The following DPEP3 variants were observed in gnomAD, a reference collection of about 807,000 sequenced individuals.
DPEP3 encodes the protein membrane-bound dipeptidase 3.
A neutral mutation model predicts 47.5 loss-of-function variants in DPEP3; 42 were observed. The ratio of observed to expected loss-of-function variants is 0.88; its 90% confidence interval spans 0.69 to 1.14. DPEP3 has a LOEUF of 1.14. Among genes scored for constraint, DPEP3 ranks in the 50% most tolerant of loss-of-function variants. The pLI is 0.00. For synonymous variants in DPEP3, 276 were observed against 270.2 expected (o/e 1.02, Z -0.21); for missense variants, 560 against 635.0 (o/e 0.88, Z 1.27).
chr16:67,977,578 C>T (rs2031224254), intron 6 of DPEP3, 75 bp downstream of exon 6: 1 of 1,508,534 alleles, frequency 6.6e-7, no homozygotes, highest in Non-Finnish European at 8.9e-7. Context: ...GAAACCTGGG[C>T]TGGTGGCTTT....
intron 2 of DPEP3, 33 bp downstream of exon 2, chr16:67,979,606 C>T: frequency 6.2e-7 from 1 of 1,610,944 alleles, no homozygotes; most frequent in Non-Finnish European, 8.5e-7. Flanking sequence ...CCCCAGCAGC[C>T]ATGCTGTGGC....
intron 6 of DPEP3, 68 bp from the exon 7 acceptor site, chr16:67,977,422 G>C (rs1293716381): frequency 6.7e-7 from 1 of 1,496,306 alleles, no homozygotes; most frequent in Non-Finnish European, 9.2e-7. Flanking sequence ...TGCTGTGGGG[G>C]CCCTGGTAGG....
At chr16:67,977,204 G>A in intron 7 of DPEP3, 66 bp downstream of exon 7, 1 of 1,456,892 alleles carries the variant, frequency 6.9e-7, no homozygotes, top group East Asian at 2.3e-5. Flanking sequence ...GACTGCTAGA[G>A]TCGTCCTGAG....
chr16:67,977,949 T>C lies in DPEP3; in HGVS notation c.745A>G (p.Ser249Gly). The change falls in exon 5 of 10, where the codon AGC becomes GGC. Residue 249 changes from serine to glycine, a missense_variant. Physicochemically the swap from Ser to Gly is moderately conservative, Grantham distance 56 (BLOSUM62 0). Coordinates refer to ENST00000268793, the MANE Select transcript of DPEP3 (RefSeq NM_001370198.1). ...HMYTNVSGLT[S>G]FGEKVVEELN... Reference sequence around the variant, plus strand: ...ACAGGAGTCCTCACCTCACCAAAGCTTGTCAATCCGCTGACGTTGGTGTAC... The same window carrying C: ...ACAGGAGTCCTCACCTCACCAAAGCCTGTCAATCCGCTGACGTTGGTGTAC... 1 of 1,613,970 alleles carries C rather than the reference T, an allele frequency of 6.2e-7. No homozygotes were observed. Among genetic ancestry groups the C allele is most frequent in the South Asian group, 1.1e-5 (1 of 91,080 alleles).
intron 2 of DPEP3, among the ~76,000 whole-genome samples, chr16:67,979,189 C>T (rs1267636627): frequency 6.6e-6 from 1 of 152,176 alleles, no homozygotes; most frequent in Non-Finnish European, 1.5e-5. Flanking sequence ...CCTGTAATCC[C>T]AGCTACTCAG....
intron 7 of DPEP3, 123 bp from the exon 8 acceptor site, chr16:67,976,898 T>C: frequency 1.2e-6 from 1 of 806,754 alleles, no homozygotes; most frequent in East Asian, 2.7e-5. Flanking sequence ...TCATGAGTCC[T>C]GAAGCGGGTA....
chr16:67,977,006 G>T (rs1166577823), intron 7 of DPEP3, among the ~76,000 whole-genome samples: 1 of 152,188 alleles, frequency 6.6e-6, no homozygotes, highest in African/African-American at 2.4e-5. Flanking sequence ...TGAGAGCCTG[G>T]TGCAGGCTGA....
At position 67,975,753 on chromosome 16, in the gene DPEP3, G is replaced by A; in HGVS notation, c.*12C>T. 6.2e-7 allele frequency: 1 copy of A among 1,606,036 alleles called. No individual in the cohort carries two copies. The highest frequency in any genetic ancestry group is 8.5e-7 in the Non-Finnish European group (1 of 1,176,178). On this transcript the variant is annotated 3_prime_UTR_variant, in exon 10 of 10. Coordinates refer to ENST00000268793, the MANE Select transcript of DPEP3 (RefSeq NM_001370198.1). ...GGCTTTGCCACAGTGACCTCTGCGG[G>A]GACCGACTGTGTCAGCAGAGCCACT... is the stretch of plus-strand genomic sequence containing the variant.
At position 67,979,712 on chromosome 16, in the gene DPEP3, T is replaced by A; in HGVS notation, c.341A>T (p.Asp114Val). The change falls in exon 2 of 10, where the codon GAT becomes GTT. Residue 114 changes from aspartate to valine, a missense_variant. Coordinates refer to ENST00000268793, the MANE Select transcript of DPEP3 (RefSeq NM_001370198.1). ...ATGGCTGAAATTTCGCAGGTTAACA[T>A]CCTGAAGCACATTCTTGTAACGCTG... ...LRQRYKNVLQDVNLRNFSHGQ... is the reference protein window; with the variant it reads ...LRQRYKNVLQVVNLRNFSHGQ... 1 of 1,614,074 alleles carries A rather than the reference T, an allele frequency of 6.2e-7. No homozygotes were observed. Among genetic ancestry groups the A allele is most frequent in the Non-Finnish European group, 8.5e-7 (1 of 1,179,996 alleles).
intron 2 of DPEP3, 140 bp downstream of exon 2, chr16:67,979,499 C>T (rs926948242): frequency 7.6e-7 from 1 of 1,317,782 alleles, no homozygotes; most frequent in Admixed American, 2.5e-5. Flanking sequence ...CTCCAAGGCC[C>T]CACTCTCCTT....
In DPEP3 at chr16:67,977,776, T is replaced by C. The variant is rs575080617; in HGVS notation, c.810A>G (p.Ala270=). 11 of 1,613,970 alleles carry C rather than the reference T, an allele frequency of 6.8e-6. No individual in the cohort carries two copies. The highest frequency in any genetic ancestry group is 2.7e-5 in the African/African-American group (2 of 75,050). ...RLGMMIDLSY[A]SDTLIRRVLE... is the part of the protein sequence containing the mutation. ...GGACCCTTCTTATCAAGGTGTCCGA[T>C]GCATAGGACAAATCTATCATCATGC... The change falls in exon 6 of 10, where the codon GCA becomes GCG. Residue 270 remains alanine, a synonymous_variant. Coordinates refer to ENST00000268793, the MANE Select transcript of DPEP3 (RefSeq NM_001370198.1).
Position 67,977,958 on chromosome 16 carries a change from C to T in DPEP3, c.736G>A (p.Gly246Arg), listed in dbSNP as rs371310931. The change falls in exon 5 of 10, where the codon GGA becomes AGA. Residue 246 changes from glycine (G) to arginine (R), a missense_variant. Physicochemically the swap from Gly to Arg is moderately radical, Grantham distance 125. Transcript: ENST00000268793. ...FRHHMYTNVS[G>R]LTSFGEKVVE... is the part of the protein sequence containing the mutation. ...CTCACCTCACCAAAGCTTGTCAATC[C>T]GCTGACGTTGGTGTACATGTGGTGT... 33 of 1,613,846 alleles carry T rather than the reference C, an allele frequency of 2.0e-5. No individual in the cohort carries two copies. The highest frequency in any genetic ancestry group is 1.6e-4 in the Middle Eastern group (1 of 6,084).
rs2031246704 is a variant in DPEP3 at position 67,978,340 on chromosome 16, G to A, written c.613C>T (p.Leu205Phe). Reference sequence around the variant, plus strand: ...ACATAGAAACTGCGCAGCACAGAGAGGCTGCTGTCCAGTGAGTGACCACCC... The same window carrying A: ...ACATAGAAACTGCGCAGCACAGAGAAGCTGCTGTCCAGTGAGTGACCACCC... ...VEGGHSLDSS[L>F]SVLRSFYVLG... Residue 205 changes from leucine to phenylalanine, a missense_variant, in exon 4 of 10, where the codon CTC becomes TTC. By Grantham distance (22) the Leu-to-Phe change is conservative. Coordinates refer to ENST00000268793, the MANE Select transcript of DPEP3 (RefSeq NM_001370198.1). This position sits in a 1 kb window ranked among gnomAD's most constrained non-coding sequence, Gnocchi z 4.4. 1 of 1,613,986 alleles carries A rather than the reference G, an allele frequency of 6.2e-7. No homozygotes were observed. The highest frequency in any genetic ancestry group is 1.7e-5 in the Admixed American group (1 of 59,998).
In DPEP3 at chr16:67,979,693, GAAATT is replaced by G; in HGVS notation, c.355_359del (p.Asn119GlnfsTer11). ...TGTCCAGGCTGGTCTGACCATGGCTGAAATTTCGCAGGTTAACATCCTGAAGCACA... is the reference window on the plus strand; with the variant it reads ...TGTCCAGGCTGGTCTGACCATGGCTGTCGCAGGTTAACATCCTGAAGCACA... On this transcript the variant is annotated frameshift_variant, in exon 2 of 10. Coordinates refer to ENST00000268793, the MANE Select transcript of DPEP3 (RefSeq NM_001370198.1). LOFTEE classifies it high-confidence loss of function. 1.2e-6 allele frequency: 2 copies of G among 1,614,172 alleles called. No individual in the cohort carries two copies. Among genetic ancestry groups the G allele is most frequent in the African/African-American group, 2.7e-5 (2 of 75,056 alleles).
At chr16:67,976,806 G>C in intron 7 of DPEP3, 31 bp from the exon 8 acceptor site, 1 of 1,597,934 alleles carries the variant, frequency 6.3e-7, no homozygotes, top group Non-Finnish European at 8.6e-7. Flanking sequence ...GGCAGCACTA[G>C]GCTAGTTAGA....
chr16:67,980,004 T>C, intron 1 of DPEP3, 90 bp downstream of exon 1: 1 of 1,498,838 alleles, frequency 6.7e-7, no homozygotes, highest in South Asian at 1.3e-5. Flanking sequence ...GGGAGCCTCC[T>C]TGATAGCCTC....
intron 7 of DPEP3, 100 bp from the exon 8 acceptor site, chr16:67,976,875 AG>A: frequency 1.0e-6 from 1 of 1,002,784 alleles, no homozygotes; most frequent in South Asian, 1.4e-5. Context: ...CCACAGAGCT[AG>A]CTCATGGCCA....
At chr16:67,977,068 C>A (rs1301113388) in intron 7 of DPEP3, among the ~76,000 whole-genome samples, 1 of 152,204 alleles carries the variant, frequency 6.6e-6, no homozygotes, top group African/African-American at 2.4e-5. Context: ...GGATTGGGAG[C>A]AAAACCAGGA....
rs758303522 is a variant in DPEP3, at chr16:67,975,813, G to T, written c.1419C>A (p.Gly473=). ...SSNASPYLVP[G]LVAAATIPTF... ...TTGGGATGGTGGCAGCAGCCACAAG[G>T]CCTGGAACAAGGTATGGGGAGGCAT... Residue 473 remains glycine (G), a synonymous_variant, in exon 10 of 10, where the codon GGC becomes GGA. Coordinates refer to ENST00000268793, the MANE Select transcript of DPEP3 (RefSeq NM_001370198.1). 2.5e-6 allele frequency: 4 copies of T among 1,613,894 alleles called. No individual in the cohort carries two copies. The highest frequency in any genetic ancestry group is 2.5e-6 in the Non-Finnish European group (3 of 1,179,856).
Sources: allele counts gnomAD v4.1 joint callset (sites outside exome capture counted in the v4.1 genomes callset), GRCh38; gene constraint gnomAD v4.1.1; non-coding constraint Gnocchi (gnomAD v3.1); transcripts MANE v1.5; gene names NCBI Gene and HGNC (gene_info 2026-07-23, HGNC 2026-07-21).